The following NEDD4L variants were observed in gnomAD, a reference collection of about 807,000 sequenced individuals.
NEDD4L encodes NEDD4 like E3 ubiquitin protein ligase, also known as E3 ubiquitin-protein ligase NEDD4-like.
NEDD4L carries 54 observed loss-of-function variants against 148.9 expected under a neutral mutation model. That is an observed-to-expected ratio of 0.36 (90% CI 0.29 to 0.45). NEDD4L has a LOEUF of 0.45. Among genes scored for constraint, NEDD4L ranks in the 20% least tolerant of loss-of-function variants. The pLI is 1.00. For synonymous variants in NEDD4L, 433 were observed against 440.7 expected, an observed-to-expected ratio of 0.98 and a Z score of 0.22; for missense variants, 856 against 1,233.8, an observed-to-expected ratio of 0.69 and a Z score of 4.59.
At chr18:58,378,549 G>A (rs909043276) in intron 24 of NEDD4L, among the ~76,000 whole-genome samples, 12 of 152,226 alleles carry the variant, frequency 7.9e-5, no homozygotes, top group Admixed American at 4.6e-4. Context: ...GGGGAGACGG[G>A]AAGTGGGAAG....
intron 30 of NEDD4L, among the ~76,000 whole-genome samples, chr18:58,394,663 A>G (rs2050252609): frequency 6.6e-6 from 1 of 152,250 alleles, no homozygotes; most frequent in African/African-American, 2.4e-5. Flanking sequence ...GCACAGTGTT[A>G]TTCTCTGTCT....
chr18:58,323,450 A>G (rs1287389214), intron 8 of NEDD4L, 116 bp downstream of exon 8: 2 of 647,514 alleles, frequency 3.1e-6, no homozygotes, highest in East Asian at 5.7e-5. Flanking sequence ...AAAAAAAAGT[A>G]CATATGTCCG....
intron 23 of NEDD4L, chr18:58,372,790 C>A (rs1162489395): frequency 1.8e-5 from 3 of 169,886 alleles, no homozygotes; most frequent in African/African-American, 7.5e-5. Flanking sequence ...TGCCATTGCA[C>A]TCCAGCCTGG....
chr18:58,120,425 A>G (rs2086155908), intron 1 of NEDD4L, among the ~76,000 whole-genome samples: 1 of 152,242 alleles, frequency 6.6e-6, no homozygotes, highest in Admixed American at 6.5e-5. Flanking sequence ...GTAACAAAAC[A>G]TAAAATACTA....
chr18:58,318,089 A>G (rs554573547), intron 6 of NEDD4L, among the ~76,000 whole-genome samples: 2 of 152,318 alleles, frequency 1.3e-5, no homozygotes, highest in South Asian at 4.1e-4. Context: ...TTACAGTGGC[A>G]TTCTGTTTGT....
chr18:58,271,608 C>T (rs899048598), intron 5 of NEDD4L, among the ~76,000 whole-genome samples: 2 of 152,136 alleles, frequency 1.3e-5, no homozygotes, highest in Admixed American at 6.5e-5. Context: ...CAGCAAGTAA[C>T]CTTTTCCAAG....
intron 2 of NEDD4L, among the ~76,000 whole-genome samples, chr18:58,223,805 C>G (rs143710914): frequency 6.6e-4 from 101 of 152,304 alleles, no homozygotes; most frequent in African/African-American, 2.4e-3. Context: ...AGGGCAATGG[C>G]AGAAGCACAT....
At chr18:58,346,347 T>C (rs556447750) in intron 16 of NEDD4L, among the ~76,000 whole-genome samples, 2 of 152,222 alleles carry the variant, frequency 1.3e-5, no homozygotes, top group African/African-American at 4.8e-5. Context: ...GATGCTGAAG[T>C]GGTAAGTATA....
chr18:58,226,455 G>A (rs1201667641), intron 2 of NEDD4L, among the ~76,000 whole-genome samples: 1 of 152,144 alleles, frequency 6.6e-6, no homozygotes, highest in African/African-American at 2.4e-5. Context: ...CATCAAACCA[G>A]GCCTGGCAAA....
At chr18:58,395,908 A>G (rs1191499976) in intron 30 of NEDD4L, among the ~76,000 whole-genome samples, 1 of 152,190 alleles carries the variant, frequency 6.6e-6, no homozygotes, top group African/African-American at 2.4e-5. Flanking sequence ...CTCCCTTCCC[A>G]CCAGGATTCC....
At chr18:58,166,351 T>C (rs1254243224) in intron 2 of NEDD4L, among the ~76,000 whole-genome samples, 1 of 152,226 alleles carries the variant, frequency 6.6e-6, no homozygotes, top group Non-Finnish European at 1.5e-5. Context: ...GCCAGATCTT[T>C]CTGTGTGTTT....
chr18:58,284,482 T>G (rs1374336611), intron 5 of NEDD4L, among the ~76,000 whole-genome samples: 2 of 152,188 alleles, frequency 1.3e-5, no homozygotes, highest in Non-Finnish European at 2.9e-5. Flanking sequence ...TCACAGGTGG[T>G]TATCAAGATA....
intron 1 of NEDD4L, chr18:58,045,832 T>G (rs2081553707): frequency 6.6e-6 from 1 of 152,264 alleles, no homozygotes; most frequent in East Asian, 1.9e-4. Flanking sequence ...AGTTGATGCC[T>G]GGAAATTCAG....
rs147277559 is a variant in NEDD4L, at chr18:58,111,695, G to A, written c.49-54093G>A. Among the ~76,000 whole-genome samples, 43 of 152,322 alleles carry A rather than the reference G, an allele frequency of 2.8e-4. 1 individual carries two copies. The highest frequency in any genetic ancestry group is 9.9e-4 in the African/African-American group (41 of 41,566). On this transcript the variant is annotated intron_variant, in intron 1 of 30. Transcript: ENST00000400345. ...AACCATATGGTTTCTAGAGATGGAA[G>A]CCATGCTGACCCCTGTAGAGTTTTG... is the stretch of plus-strand genomic sequence containing the variant.
intron 1 of NEDD4L, among the ~76,000 whole-genome samples, chr18:58,131,326 G>T (rs1466029100): frequency 6.7e-6 from 1 of 149,166 alleles, no homozygotes; most frequent in Admixed American, 6.7e-5. Context: ...TTTGGGCTCT[G>T]TTGGGATTTG....
At chr18:58,224,507 C>G (rs973424423) in intron 2 of NEDD4L, among the ~76,000 whole-genome samples, 11 of 152,178 alleles carry the variant, frequency 7.2e-5, no homozygotes, top group Admixed American at 5.9e-4. Flanking sequence ...TCCACTTTTT[C>G]TCTCTTGCCC....
Position 58,366,365 on chromosome 18 carries a change from C to T in NEDD4L, c.2063+137C>T. ...GTTTGTTCTCTCCTCACCCCACAGC[C>T]CCTTGCAAGTCTAGAACAGGTTCTG... On this transcript the variant is annotated intron_variant, in intron 21 of 30. Transcript: ENST00000400345. The surrounding 1 kb of genome is among the most constrained non-coding windows in gnomAD (Gnocchi z 4.2). 1 of 580,942 alleles carries T rather than the reference C, an allele frequency of 1.7e-6. No individual in the cohort carries two copies. The highest frequency in any genetic ancestry group is 2.8e-5 in the East Asian group (1 of 35,726). The allele number at this position is 580,942 out of a possible 1,614,324, so 36.0% of individuals were successfully genotyped here.
intron 5 of NEDD4L, among the ~76,000 whole-genome samples, chr18:58,274,951 G>C (rs10513911): frequency 0.07 from 10,643 of 152,192 alleles, 1,195 homozygotes; most frequent in African/African-American, 0.24. Flanking sequence ...AACGAAATCT[G>C]CTATTGTATT....
Position 58,173,687 on chromosome 18 carries a change from C to T in NEDD4L, c.122+7826C>T, listed in dbSNP as rs972540296. 8.5e-5 allele frequency among the ~76,000 whole-genome samples: 13 copies of T among 152,110 alleles called. 1 individual carries two copies. The highest frequency in any genetic ancestry group is 3.2e-3 in the Middle Eastern group (1 of 316). ...CAGAAGTGAATTACAGACATCATGA[C>T]GTTTAGTTCCTAAATACTTCAGCCC... On this transcript the variant is annotated intron_variant, in intron 2 of 30. Transcript: ENST00000400345.
Sources: gnomAD v4.1 joint callset for allele counts (sites outside exome capture counted in the v4.1 genomes callset) on GRCh38, gnomAD v4.1.1 for gene constraint, Gnocchi (gnomAD v3.1) non-coding constraint, MANE v1.5 for transcripts, NCBI Gene and HGNC (gene_info 2026-07-23, HGNC 2026-07-21) for gene names.